The following CREB5 variants were observed in gnomAD, a reference collection of about 807,000 sequenced individuals.
CREB5 encodes the protein cAMP responsive element binding protein 5, also known as cyclic AMP-responsive element-binding protein 5.
A neutral mutation model predicts 57.1 loss-of-function variants in CREB5; 19 were observed. The ratio of observed to expected loss-of-function variants is 0.33; its 90% CI spans 0.23 to 0.49. CREB5 has a LOEUF of 0.49. Among genes scored for constraint, CREB5 ranks in the 20% least tolerant of loss-of-function variants. The pLI, the probability that CREB5 is intolerant of heterozygous loss-of-function variation, is 0.99. For missense variants in CREB5, 579 were observed against 671.6 expected (o/e 0.86, Z 1.52); for synonymous variants, 238 against 238.3 (o/e 1.00, Z 0.01).
intron 5 of CREB5, among the ~76,000 whole-genome samples, chr7:28,703,511 T>C (rs1338102960): frequency 1.3e-5 from 2 of 152,174 alleles, no homozygotes; most frequent in African/African-American, 4.8e-5. Context: ...CACCAGATTA[T>C]GGAAGCTAAA....
chr7:28,560,809 CG>C (rs1795065732), intron 4 of CREB5, among the ~76,000 whole-genome samples: 1 of 19,372 alleles, frequency 5.2e-5, no homozygotes, highest in Non-Finnish European at 1.3e-4. Flanking sequence ...TGTGTGTGCG[CG>C]TGTGTGTGTG....
At chr7:28,613,282 A>G (rs1339567805) in intron 5 of CREB5, among the ~76,000 whole-genome samples, 1 of 152,220 alleles carries the variant, frequency 6.6e-6, no homozygotes, top group Non-Finnish European at 1.5e-5. Context: ...TTTAAGGTTC[A>G]TTGCAATATA....
chr7:28,658,454 T>C (rs1393259136), intron 5 of CREB5, among the ~76,000 whole-genome samples: 2 of 152,194 alleles, frequency 1.3e-5, no homozygotes, highest in Non-Finnish European at 2.9e-5. Context: ...CTGGAGATGC[T>C]TAACAGTGGT....
chr7:28,341,311 T>A (rs1785932876), intron 1 of CREB5, among the ~76,000 whole-genome samples: 1 of 152,236 alleles, frequency 6.6e-6, no homozygotes, highest in African/African-American at 2.4e-5. Flanking sequence ...TATCTCTGTT[T>A]ATTATTGGAA....
chr7:28,561,946 A>G lies in CREB5; in HGVS notation c.292-8419A>G, dbSNP rs186820431. On this transcript the variant is annotated intron_variant, in intron 4 of 10. Coordinates refer to ENST00000357727, the MANE Select transcript of CREB5 (RefSeq NM_182898.4). ...TTTTTAGTAGTGATGGGTTTTCGCC[A>G]TGTTGGCCAGGCTGGTCTTGAAGTC... 2.2e-3 allele frequency among the ~76,000 whole-genome samples: 332 copies of G among 152,318 alleles called. 2 individuals carry two copies. The highest frequency in any genetic ancestry group is 5.4e-3 in the South Asian group (26 of 4,832).
intron 1 of CREB5, among the ~76,000 whole-genome samples, chr7:28,316,648 C>T (rs977212505): frequency 5.3e-5 from 8 of 152,002 alleles, no homozygotes; most frequent in African/African-American, 1.7e-4. Context: ...TGTGTGGTTT[C>T]AGAGATTTAC....
chr7:28,463,186 G>GT (rs1790421859), intron 1 of CREB5, among the ~76,000 whole-genome samples: 3 of 152,004 alleles, frequency 2.0e-5, no homozygotes, highest in African/African-American at 7.2e-5. Context: ...TGAAAAGATT[G>GT]TTTTTTTCTT....
At chr7:28,478,211 G>A (rs901701073) in intron 1 of CREB5, among the ~76,000 whole-genome samples, 3 of 152,114 alleles carry the variant, frequency 2.0e-5, no homozygotes, top group Non-Finnish European at 4.4e-5. Flanking sequence ...TGTGCAGAAA[G>A]GTGGGCCAAG....
intron 1 of CREB5, among the ~76,000 whole-genome samples, chr7:28,414,944 A>T (rs1360087386): frequency 6.6e-6 from 1 of 152,132 alleles, no homozygotes; most frequent in Non-Finnish European, 1.5e-5. Context: ...CCCATAAAAG[A>T]TATTATATTG....
At chr7:28,606,726 C>G (rs1243532362) in intron 5 of CREB5, among the ~76,000 whole-genome samples, 1 of 152,132 alleles carries the variant, frequency 6.6e-6, no homozygotes, top group African/African-American at 2.4e-5. Flanking sequence ...ATAAGTTTAT[C>G]TGGTGACAAA....
chr7:28,643,759 G>GGA lies in CREB5; in HGVS notation c.464+73223_464+73224insAG, dbSNP rs1562545350. Among the ~76,000 whole-genome samples the GGA allele has an allele frequency of 1.4e-4, 11 of 77,714 alleles. No individual in the cohort carries two copies. The East Asian group carries it at 0.011, about 79-fold the overall frequency. The allele number at this position is 77,714 out of a possible 152,430, so 51.0% of individuals were successfully genotyped here. On this transcript the variant is annotated intron_variant, in intron 5 of 10. Transcript: ENST00000357727. ...TTCACGGGTTTGGGAGGTGGGGGGG[G>GGA]GCGGAAGAAAAAAAAAAAACACACA...
At chr7:28,716,036 G>A (rs2128745184) in intron 5 of CREB5, among the ~76,000 whole-genome samples, 1 of 152,018 alleles carries the variant, frequency 6.6e-6, no homozygotes, top group South Asian at 2.1e-4. Flanking sequence ...ATAACTGAGA[G>A]TTTTCCATGG....
chr7:28,325,272 G>A (rs1350269472), intron 1 of CREB5, among the ~76,000 whole-genome samples: 5 of 152,108 alleles, frequency 3.3e-5, no homozygotes, highest in Non-Finnish European at 4.4e-5. Context: ...TGGCTAACAC[G>A]GTGAAACCCC....
intron 8 of CREB5, among the ~76,000 whole-genome samples, chr7:28,805,817 T>C (rs891720258): frequency 5.9e-5 from 9 of 152,196 alleles, no homozygotes; most frequent in Admixed American, 5.9e-4. Flanking sequence ...GGCTGGGTAA[T>C]AGTAGACTAA....
intron 1 of CREB5, among the ~76,000 whole-genome samples, chr7:28,402,376 C>T (rs1787486182): frequency 6.6e-6 from 1 of 152,038 alleles, no homozygotes; most frequent in African/African-American, 2.4e-5. Flanking sequence ...CAATCTTAAG[C>T]CAAAGGAACA....
Position 28,560,941 on chromosome 7 carries a change from C to CGTGCGCGTGCGT in CREB5, c.292-9421_292-9420insCGCGTGCGTGTG, listed in dbSNP as rs1795202196. Among the ~76,000 whole-genome samples, 84 of 44,662 alleles carry CGTGCGCGTGCGT rather than the reference C, an allele frequency of 1.9e-3. 7 individuals are homozygous for CGTGCGCGTGCGT. The highest frequency in any genetic ancestry group is 2.9e-3 in the Non-Finnish European group (70 of 24,344). The allele number at this position is 44,662 out of a possible 152,430, so 29.3% of individuals were successfully genotyped here. ...GTGTGTGCGCGTGCGTGTGTGCGTG[C>CGTGCGCGTGCGT]GTGTGTGTGCGTGTGTGTGCGTGTG... On this transcript the variant is annotated intron_variant, in intron 4 of 10. Coordinates refer to ENST00000357727, the MANE Select transcript of CREB5 (RefSeq NM_182898.4).
At chr7:28,563,349 A>G (rs913764306) in intron 4 of CREB5, among the ~76,000 whole-genome samples, 1 of 152,118 alleles carries the variant, frequency 6.6e-6, no homozygotes, top group African/African-American at 2.4e-5. Flanking sequence ...GATTATCTCC[A>G]TTTTAAAGAT....
intron 7 of CREB5, among the ~76,000 whole-genome samples, chr7:28,726,154 C>T (rs1296773904): frequency 2.6e-5 from 4 of 152,126 alleles, no homozygotes; most frequent in Non-Finnish European, 5.9e-5. Flanking sequence ...TGAGTAAGCA[C>T]ACCACGAGGC....
intron 7 of CREB5, among the ~76,000 whole-genome samples, chr7:28,795,700 A>G (rs1807991055): frequency 6.6e-6 from 1 of 152,028 alleles, no homozygotes; most frequent in Admixed American, 6.6e-5. Flanking sequence ...CTTTTTTAAA[A>G]TATTGTTTAA....
Sources: allele counts gnomAD v4.1 joint callset (sites outside exome capture counted in the v4.1 genomes callset), GRCh38; gene constraint gnomAD v4.1.1; transcripts MANE v1.5; gene names NCBI Gene and HGNC (gene_info 2026-07-23, HGNC 2026-07-21).